OGG1: variants seen among roughly 807,000 people sequenced by gnomAD.
OGG1 encodes 8-oxoguanine DNA glycosylase.
Under a neutral mutation model 42.3 loss-of-function variants are expected in OGG1, and 35 were observed. The ratio of observed to expected loss-of-function variants is 0.83; its 90% CI spans 0.63 to 1.10. The LOEUF (loss-of-function observed/expected upper bound fraction) is 1.10, where lower values mean the gene tolerates loss of function less well. OGG1 is among the 50% of genes least tolerant of loss of function. The pLI is 0.00. For synonymous variants in OGG1, 189 were observed against 179.0 expected (o/e 1.06, Z -0.44); for missense variants, 484 against 446.7 (o/e 1.08, Z -0.75).
chr3:9,757,182 G>A lies in OGG1; in HGVS notation c.*32G>A. On this transcript the variant is annotated 3_prime_UTR_variant, in exon 7 of 7. Coordinates refer to ENST00000344629, the MANE Select transcript of OGG1 (RefSeq NM_002542.6). The surrounding 1 kb of genome is among the most constrained non-coding windows in gnomAD (Gnocchi z 4.5). ...CACCCTGGACAAAGAAATTCCCCAA[G>A]CACCTTCCCCTCCATTCCCCACTTC... The A allele has an allele frequency of 6.2e-7, 1 of 1,613,916 alleles. No individual in the cohort carries two copies. Among genetic ancestry groups the A allele is most frequent in the Non-Finnish European group, 8.5e-7 (1 of 1,179,910 alleles).
At position 9,756,859 on chromosome 3, in the gene OGG1, G is replaced by T. The variant is rs565896568; in HGVS notation, c.948+43G>T. 1.9e-6 allele frequency: 3 copies of T among 1,612,700 alleles called. No individual in the cohort carries two copies. The Admixed American group carries it at 5.0e-5, about 27-fold the overall frequency. The stretch of plus-strand genomic sequence containing the variant: ...TCCTCCCTAGGTTTCCTCTCCTCCA[G>T]CCCAGACCCAGTGGACTCTTCCACC... On this transcript the variant is annotated intron_variant, in intron 6 of 6. Transcript: ENST00000344629.
chr3:9,764,275 GAAAC>G (rs1164244101), intron 7 of OGG1, among the ~76,000 whole-genome samples: 2 of 152,174 alleles, frequency 1.3e-5, no homozygotes, highest in Non-Finnish European at 2.9e-5. Flanking sequence ...ACTCATAAGT[GAAAC>G]AATAATGGTA....
In OGG1 at chr3:9,750,230, CG is replaced by C; in HGVS notation, c.-56del. 6.4e-7 allele frequency: 1 copy of C among 1,569,334 alleles called. No individual in the cohort carries two copies. The highest frequency in any genetic ancestry group is 8.6e-7 in the Non-Finnish European group (1 of 1,159,288). On this transcript the variant is annotated 5_prime_UTR_variant, in exon 1 of 7. The change creates a premature stop within an existing upstream ORF in the 5' untranslated region. Transcript: ENST00000344629. ...TTGTCTGGGCGGGGTCTTTGGGCGT[CG>C]ACGAGGCCTGGTTCTGGGTAGGCGG...
At chr3:9,762,503 A>G (rs968794587) in intron 7 of OGG1, among the ~76,000 whole-genome samples, 1 of 152,032 alleles carries the variant, frequency 6.6e-6, no homozygotes, top group Admixed American at 6.6e-5. Context: ...CAGCCTCCCT[A>G]GTAGCTGGGA....
At position 9,766,216 on chromosome 3, in the gene OGG1, G is replaced by C. The variant is rs1231669489; in HGVS notation, c.*385G>C. 7 of 733,090 alleles carry C rather than the reference G, an allele frequency of 9.5e-6. No individual in the cohort carries two copies. In the East Asian group the frequency reaches 1.3e-4, roughly 14 times the overall value. The allele number at this position is 733,090 out of a possible 1,614,324, so 45.4% of individuals were successfully genotyped here. A position where few individuals can be genotyped will look rare whatever the true frequency, so the allele number is the denominator to read the frequency against. ...CTTTGCCACCACCTGGGGAGAGCCT[G>C]CTTGGGAATGAAATTAACACAAAGG... On this transcript the variant is annotated 3_prime_UTR_variant, in exon 8 of 8. Transcript: ENST00000302008.
chr3:9,774,040 A>G (rs921725325), intron 2 of OGG1, among the ~76,000 whole-genome samples: 1 of 152,126 alleles, frequency 6.6e-6, no homozygotes, highest in African/African-American at 2.4e-5. Context: ...AAAAGAAGCT[A>G]TTGAAAGAGT....
downstream of OGG1, chr3:9,789,408 T>G: frequency 1.9e-6 from 2 of 1,074,684 alleles, no homozygotes; most frequent in African/African-American, 1.6e-5. Flanking sequence ...CTGGGCAGGG[T>G]TGGGGAAGGA....
intron 2 of OGG1, among the ~76,000 whole-genome samples, chr3:9,780,861 G>A (rs747633621): frequency 3.3e-5 from 5 of 152,172 alleles, no homozygotes; most frequent in Non-Finnish European, 7.3e-5. Context: ...AGTCTTGGCT[G>A]CACATGGGGG....
downstream of OGG1, chr3:9,759,909 C>T (rs1383674102): frequency 8.4e-7 from 1 of 1,186,116 alleles, no homozygotes; most frequent in Non-Finnish European, 1.2e-6. Context: ...TCTTCAGGCC[C>T]TCCCACCCCG....
At chr3:9,778,431 A>G (rs1021136256) in intron 2 of OGG1, among the ~76,000 whole-genome samples, 1 of 152,220 alleles carries the variant, frequency 6.6e-6, no homozygotes, top group African/African-American at 2.4e-5. Context: ...TACAAATCAC[A>G]AAACTCTAAA....
chr3:9,785,489 C>T, intron 3 of OGG1: 1 of 1,088,616 alleles, frequency 9.2e-7, no homozygotes, highest in African/African-American at 1.5e-5. Context: ...TCCTTTCTGA[C>T]CTACACTGAC....
At chr3:9,766,292 C>T (rs764370199) in exon 8 of OGG1, 22 of 700,164 alleles carry the variant, frequency 3.1e-5, no homozygotes, top group Admixed American at 1.0e-4. Flanking sequence ...CATTATGTGG[C>T]CCTCTGGATC....
At chr3:9,787,585 G>T in intron 3 of OGG1, 1 of 1,034,308 alleles carries the variant, frequency 9.7e-7, no homozygotes, top group Non-Finnish European at 1.4e-6. Flanking sequence ...TCCCAAGATA[G>T]AAGGTGCAGA....
downstream of OGG1, among the ~76,000 whole-genome samples, chr3:9,770,406 G>A (rs988822792): frequency 1.3e-5 from 2 of 152,110 alleles, no homozygotes; most frequent in African/African-American, 2.4e-5. Flanking sequence ...GTGAGGGAGT[G>A]GGGAAGGACC....
intron 3 of OGG1, among the ~76,000 whole-genome samples, chr3:9,753,553 C>A (rs1301335918): frequency 6.6e-6 from 1 of 151,442 alleles, no homozygotes; most frequent in African/African-American, 2.4e-5. Flanking sequence ...ACTTGGGAGG[C>A]TGAGGCAGGA....
Position 9,750,408 on chromosome 3 carries a change from C to T in OGG1, c.122C>T (p.Ser41Phe). 5.6e-6 allele frequency: 9 copies of T among 1,614,008 alleles called. No individual in the cohort carries two copies. Among genetic ancestry groups the T allele is most frequent in the Non-Finnish European group, 7.6e-6 (9 of 1,180,022 alleles). Residue 41 changes from serine to phenylalanine, a missense_variant, in exon 1 of 7, where the codon TCT (serine) becomes TTT (phenylalanine). Transcript: ENST00000344629. ...SELRLDLVLP[S>F]GQSFRWREQS... ...CTGCGCCTGGACCTGGTTCTGCCTT[C>T]TGGACAATCTTTCCGGTGAGTGACT...
chr3:9,750,168 C>A lies in OGG1; in HGVS notation c.-119C>A. The A allele has an allele frequency of 7.7e-7, 1 of 1,306,046 alleles. No individual in the cohort carries two copies. Among genetic ancestry groups the A allele is most frequent in the Non-Finnish European group, 1.0e-6 (1 of 953,576 alleles). The allele number at this position is 1,306,046 out of a possible 1,614,324, so 80.9% of individuals were successfully genotyped here. On this transcript the variant is annotated 5_prime_UTR_variant, in exon 1 of 7. Coordinates refer to ENST00000344629, the MANE Select transcript of OGG1 (RefSeq NM_002542.6). ...AAGTGAAACAGGGAAGGTTGTTAAA[C>A]AGCACCGTGTGGGCGAGGCCTTAAG...
At chr3:9,787,645 T>C (rs1575305014) in intron 3 of OGG1, 1 of 1,375,870 alleles carries the variant, frequency 7.3e-7, no homozygotes, top group Admixed American at 2.2e-5. Flanking sequence ...TCGAGAGAAT[T>C]AGGAGCCTTC....
chr3:9,761,225 C>T (rs928468405), downstream of OGG1: 19 of 464,312 alleles, frequency 4.1e-5, 1 homozygote, highest in South Asian at 7.0e-4. Flanking sequence ...AAGTCAGCTC[C>T]CTGAGGGCAG....
Sources: allele counts gnomAD v4.1 joint callset (sites outside exome capture counted in the v4.1 genomes callset), GRCh38; gene constraint gnomAD v4.1.1; non-coding constraint Gnocchi (gnomAD v3.1); transcripts MANE v1.5; gene names NCBI Gene and HGNC (gene_info 2026-07-23, HGNC 2026-07-21).